Variants in MKI67 observed in about 807,000 individuals in gnomAD.
The protein encoded by MKI67 is marker of proliferation Ki-67, also known as proliferation marker protein Ki-67.
Under a neutral mutation model 233.5 loss-of-function variants are expected in MKI67, and 152 were observed. That is an observed-to-expected ratio of 0.65 (90% CI 0.57 to 0.74). MKI67 has a LOEUF of 0.74. Among genes scored for constraint, MKI67 ranks in the 30% least tolerant of loss-of-function variants. The probability of loss-of-function intolerance (pLI) is 0.00; values close to 1 mark genes in which losing one functional copy is unlikely to be tolerated. For synonymous variants in MKI67, 1,465 were observed against 1,418.5 expected (o/e 1.03, Z -0.74); for missense variants, 3,940 against 3,885.2 (o/e 1.01, Z -0.37).
intron 2 of MKI67, among the ~76,000 whole-genome samples, chr10:128,124,765 G>A (rs983419661): frequency 1.3e-5 from 2 of 152,182 alleles, no homozygotes; most frequent in Admixed American, 1.3e-4. Flanking sequence ...TTCACCTGAT[G>A]CCTGAATGAT....
chr10:128,112,865 C>A (rs139319642), intron 8 of MKI67, among the ~76,000 whole-genome samples: 20 of 152,296 alleles, frequency 1.3e-4, no homozygotes, highest in African/African-American at 4.6e-4. Context: ...GAAAGAAAGA[C>A]CGCCCAGGCC....
chr10:128,106,840 G>A lies in MKI67; in HGVS notation c.5000C>T (p.Thr1667Ile). The A allele has an allele frequency of 1.9e-6, 3 of 1,614,108 alleles. No individual in the cohort carries two copies. The highest frequency in any genetic ancestry group is 2.5e-6 in the Non-Finnish European group (3 of 1,180,012). Residue 1667 changes from threonine (T) to isoleucine (I), a missense_variant, in exon 13 of 15, where the codon ACA (threonine) becomes ATA (isoleucine). By Grantham distance (89) the Thr-to-Ile change is moderately conservative (BLOSUM62 -1). Transcript: ENST00000368654. Reference sequence around the variant, plus strand: ...TGCTTTCATGCTCTTACCATCTCCTGTTGGCTCTGTGTGTGTGTGTGTAGT... The same window carrying A: ...TGCTTTCATGCTCTTACCATCTCCTATTGGCTCTGTGTGTGTGTGTGTAGT... ...GETTHTHTEPTGDGKSMKAFM... is the reference protein window; with the variant it reads ...GETTHTHTEPIGDGKSMKAFM...
chr10:128,104,388 T>A lies in MKI67; in HGVS notation c.7452A>T (p.Ile2484=). Residue 2484 remains isoleucine (I), a synonymous_variant, in exon 13 of 15, where the codon ATA becomes ATT. Transcript: ENST00000368654. The stretch of plus-strand genomic sequence containing the variant: ...CTTTCATGTCCACTTTCACCAGGGG[T>A]ATCTTGAGCCTTTGCTTGGAGCTTC... The part of the protein sequence containing the change: ...TSRSSKQRLK[I]PLVKVDMKEE... The A allele has an allele frequency of 6.2e-7, 1 of 1,614,088 alleles. No homozygotes were observed. Among genetic ancestry groups the A allele is most frequent in the Non-Finnish European group, 8.5e-7 (1 of 1,180,024 alleles).
At chr10:128,121,535 T>TATAAC (rs67174785) in intron 4 of MKI67, among the ~76,000 whole-genome samples, 1 of 3,272 alleles carries the variant, frequency 3.1e-4, no homozygotes, top group East Asian at 9.8e-3. Context: ...TATTATATAT[T>TATAAC]ATATTATAAT....
Position 128,115,029 on chromosome 10 carries a change from G to T in MKI67, c.1379C>A (p.Ser460Tyr). ...TQVERKIQKD[S>Y]LSKPEKLGTT... ...GCCCAATTTCTCAGGCTTGCTGAGG[G>T]AATCCTTTTGGATCTTCCTCTCAAC... The change falls in exon 7 of 15, where the codon TCC (serine) becomes TAC (tyrosine). Residue 460 changes from serine to tyrosine, a missense_variant. By Grantham distance (144) the Ser-to-Tyr change is moderately radical. Coordinates refer to ENST00000368654, the MANE Select transcript of MKI67 (RefSeq NM_002417.5). 1 of 1,612,220 alleles carries T rather than the reference G, an allele frequency of 6.2e-7. No homozygotes were observed. Among genetic ancestry groups the T allele is most frequent in the Non-Finnish European group, 8.5e-7 (1 of 1,178,270 alleles).
At chr10:128,124,621 C>T (rs1853017469) in intron 2 of MKI67, among the ~76,000 whole-genome samples, 1 of 152,170 alleles carries the variant, frequency 6.6e-6, no homozygotes, top group Admixed American at 6.5e-5. Flanking sequence ...CCTGGCCCTA[C>T]ACACGTGATT....
Position 128,116,556 on chromosome 10 carries a change from G to C in MKI67, c.355-20C>G, listed in dbSNP as rs757066116. The C allele has an allele frequency of 6.2e-7, 1 of 1,605,932 alleles. No homozygotes were observed. The highest frequency in any genetic ancestry group is 8.5e-7 in the Non-Finnish European group (1 of 1,172,632). ...TGGCTCCTGTAAGTTGGGAAAATAA[G>C]AACAGTTATTTGCAGGTCTTTCTAA... is the stretch of plus-strand genomic sequence containing the variant. On this transcript the variant is annotated intron_variant, in intron 5 of 14. Coordinates refer to ENST00000368654, the MANE Select transcript of MKI67 (RefSeq NM_002417.5).
Position 128,103,556 on chromosome 10 carries a change from C to CT in MKI67, c.8283dup (p.Gly2762ArgfsTer51). On this transcript the variant is annotated frameshift_variant, in exon 13 of 15. Coordinates refer to ENST00000368654, the MANE Select transcript of MKI67 (RefSeq NM_002417.5). LOFTEE classifies it high-confidence loss of function. ...GCAGATTCCTTCAATGCTTTGATGC[C>CT]TTTATCTTCACCTGCTGGTTCTTTG... The CT allele has an allele frequency of 6.2e-7, 1 of 1,613,906 alleles. No homozygotes were observed. Among genetic ancestry groups the CT allele is most frequent in the Non-Finnish European group, 8.5e-7 (1 of 1,179,950 alleles).
chr10:128,122,918 GT>G lies in MKI67; in HGVS notation c.249del (p.Lys83AsnfsTer5). The part of the protein sequence containing the change: ...GSVIDEPVRL[K>X]HGDVITIIDR... ...TCAATAATAGTTATTACATCTCCAT[GT>G]TTTAGCCGTACAGGCTCATCAATAA... On this transcript the variant is annotated frameshift_variant, in exon 4 of 15. Transcript: ENST00000368654. LOFTEE classifies it high-confidence loss of function. 6.3e-7 allele frequency: 1 copy of G among 1,597,366 alleles called. No individual in the cohort carries two copies. The highest frequency in any genetic ancestry group is 1.1e-5 in the South Asian group (1 of 89,566).
intron 4 of MKI67, among the ~76,000 whole-genome samples, chr10:128,120,056 TAG>T (rs1259674646): frequency 1.3e-5 from 2 of 152,244 alleles, no homozygotes; most frequent in Non-Finnish European, 2.9e-5. Flanking sequence ...TTTCTCATGG[TAG>T]AGAGTTTGGA....
rs145558013 is a variant in MKI67 at position 128,102,635 on chromosome 10, C to A, written c.9205G>T (p.Asp3069Tyr). The change falls in exon 13 of 15, where the codon GAC (aspartate) becomes TAC (tyrosine). Residue 3069 changes from aspartate to tyrosine, a missense_variant. Coordinates refer to ENST00000368654, the MANE Select transcript of MKI67 (RefSeq NM_002417.5). ...IEPAEELNSNDMKTNKEEHKL... is the reference protein window; with the variant it reads ...IEPAEELNSNYMKTNKEEHKL... ...TGTTCCTCTTTGTTGGTTTTCATGT[C>A]GTTGCTGTTCAGCTCTTCCGCAGGT... The A allele has an allele frequency of 1.9e-6, 3 of 1,614,206 alleles. No individual in the cohort carries two copies. Among genetic ancestry groups the A allele is most frequent in the Non-Finnish European group, 2.5e-6 (3 of 1,180,032 alleles).
In MKI67 at chr10:128,107,235, G is replaced by A. The variant is rs760340498; in HGVS notation, c.4605C>T (p.Gly1535=). The change falls in exon 13 of 15, where the codon GGC becomes GGT. Residue 1535 remains glycine, a synonymous_variant. Transcript: ENST00000368654. The stretch of plus-strand genomic sequence containing the variant: ...CTGGTTTGGGTGTGTGCATGGCTTT[G>A]CCTGCTGATGGTGTTCGTTTCCTGA... ...FALRKRTPSA[G]KAMHTPKPAV... The A allele has an allele frequency of 6.2e-7, 1 of 1,614,150 alleles. No homozygotes were observed. The highest frequency in any genetic ancestry group is 1.1e-5 in the South Asian group (1 of 91,084).
In MKI67 at chr10:128,106,736, C is replaced by T; in HGVS notation, c.5104G>A (p.Gly1702Arg). 4 of 1,613,906 alleles carry T rather than the reference C, an allele frequency of 2.5e-6. No homozygotes were observed. Among genetic ancestry groups the T allele is most frequent in the Non-Finnish European group, 3.4e-6 (4 of 1,179,990 alleles). ...GSKRQLRTPK[G>R]KSEVPEDLAG... The stretch of plus-strand genomic sequence containing the variant: ...AGGTCTTCAGGGACTTCAGACTTTC[C>T]CTTAGGAGTTCTCAGCTGCCTCTTG... The change falls in exon 13 of 15, where the codon GGA becomes AGA. Residue 1702 changes from glycine to arginine, a missense_variant. Gly to Arg is a moderately radical substitution (Grantham distance 125, BLOSUM62 -2). Coordinates refer to ENST00000368654, the MANE Select transcript of MKI67 (RefSeq NM_002417.5).
Position 128,106,194 on chromosome 10 carries a change from C to T in MKI67, c.5646G>A (p.Lys1882=), listed in dbSNP as rs201270623. The T allele has an allele frequency of 6.2e-7, 1 of 1,613,248 alleles. No homozygotes were observed. The highest frequency in any genetic ancestry group is 2.2e-5 in the East Asian group (1 of 44,824). ...NTKQRPKRSL[K]KADVEEEFLA... ...AAAATTCTTCCTCTACGTCTGCTTT[C>T]TTGAGGCTTCTCTTGGGCCGTTGCT... The change falls in exon 13 of 15, where the codon AAG becomes AAA. Residue 1882 remains lysine, a synonymous_variant. Coordinates refer to ENST00000368654, the MANE Select transcript of MKI67 (RefSeq NM_002417.5).
At chr10:128,124,568 A>G (rs1457289348) in intron 2 of MKI67, among the ~76,000 whole-genome samples, 1 of 152,202 alleles carries the variant, frequency 6.6e-6, no homozygotes, top group Non-Finnish European at 1.5e-5. Flanking sequence ...GACCCTTGCC[A>G]GAATGCTAGG....
Position 128,105,973 on chromosome 10 carries a change from C to T in MKI67, c.5867G>A (p.Gly1956Asp), listed in dbSNP as rs758060599. The T allele has an allele frequency of 8.7e-6, 14 of 1,614,200 alleles. No individual in the cohort carries two copies. The South Asian group carries it at 1.3e-4, about 15-fold the overall frequency. The part of the protein sequence containing the change: ...EKAKALEDLA[G>D]FKELFQTPGH... Reference sequence around the variant, plus strand: ...TGGTGTCTGGAAGAGCTCTTTGAAGCCAGCCAGATCTTCTAGAGCCTTGGC... The same window carrying T: ...TGGTGTCTGGAAGAGCTCTTTGAAGTCAGCCAGATCTTCTAGAGCCTTGGC... Residue 1956 changes from glycine (G) to aspartate (D), a missense_variant, in exon 13 of 15, where the codon GGC becomes GAC. Transcript: ENST00000368654.
intron 5 of MKI67, among the ~76,000 whole-genome samples, chr10:128,116,856 G>A (rs1852818967): frequency 6.6e-6 from 1 of 152,196 alleles, no homozygotes; most frequent in African/African-American, 2.4e-5. Flanking sequence ...GCAGTGAGCA[G>A]AGATTGCACC....
intron 14 of MKI67, among the ~76,000 whole-genome samples, 166 bp from the exon 15 acceptor site, chr10:128,099,421 C>T (rs1852285303): frequency 1.3e-5 from 2 of 152,334 alleles, no homozygotes; most frequent in South Asian, 4.1e-4. Context: ...ATTCCATTAA[C>T]ATTGTTTTTC....
rs779392434 is a variant in MKI67 at position 128,123,080 on chromosome 10, A to C, written c.171+11T>G. On this transcript the variant is annotated intron_variant, in intron 3 of 14. Coordinates refer to ENST00000368654, the MANE Select transcript of MKI67 (RefSeq NM_002417.5). ...AAGCTTTAAAAGTAGATCTTCAAAA[A>C]ACCCACTCACCTCCTGCTCATGGAT... is the stretch of plus-strand genomic sequence containing the variant. 7.4e-6 allele frequency: 12 copies of C among 1,612,098 alleles called. No individual in the cohort carries two copies. Among genetic ancestry groups the C allele is most frequent in the Middle Eastern group, 3.3e-4 (2 of 6,052 alleles).
Sources: allele counts gnomAD v4.1 joint callset (sites outside exome capture counted in the v4.1 genomes callset), GRCh38; gene constraint gnomAD v4.1.1; transcripts MANE v1.5; gene names NCBI Gene and HGNC (gene_info 2026-07-23, HGNC 2026-07-21).